The following KCNN2 variants were observed in gnomAD, a reference collection of about 807,000 sequenced individuals.
KCNN2 encodes the protein small conductance calcium-activated potassium channel protein 2.
KCNN2 carries 24 observed loss-of-function variants against 55.5 expected under a neutral mutation model. The observed-to-expected ratio is 0.43, with a 90% CI of 0.31 to 0.61. The LOEUF (loss-of-function observed/expected upper bound fraction) is 0.61. KCNN2 is among the 20% of genes least tolerant of loss of function. The pLI, the probability that KCNN2 is intolerant of heterozygous loss-of-function variation, is 0.08. For missense variants in KCNN2, 754 were observed against 853.6 expected (o/e 0.88, Z 1.45); for synonymous variants, 431 against 336.1 (o/e 1.28, Z -3.09).
intron 7 of KCNN2, 104 bp from the exon 8 acceptor site, chr5:114,495,791 A>T (rs552556018): frequency 2.8e-6 from 3 of 1,079,512 alleles, no homozygotes; most frequent in East Asian, 4.8e-5. Context: ...CACCCCTGTT[A>T]CACTGAATGC....
chr5:114,471,332 T>TTAC (rs1761732041), intron 4 of KCNN2, among the ~76,000 whole-genome samples: 1 of 3,006 alleles, frequency 3.3e-4, no homozygotes, highest in East Asian at 0.25. Flanking sequence ...TTATAATACT[T>TTAC]TTAATACAAT....
chr5:114,491,894 G>A (rs1462316085), intron 6 of KCNN2, among the ~76,000 whole-genome samples: 1 of 152,008 alleles, frequency 6.6e-6, no homozygotes, highest in Non-Finnish European at 1.5e-5. Context: ...GTTTTTCAAA[G>A]GCACACATCA....
At chr5:114,416,997 G>A (rs370418980) in intron 3 of KCNN2, among the ~76,000 whole-genome samples, 77 of 152,132 alleles carry the variant, frequency 5.1e-4, no homozygotes, top group African/African-American at 1.8e-3. Flanking sequence ...ATAAACTCCT[G>A]TTTTTGAACA....
chr5:114,266,503 A>G (rs1422735982), intron 2 of KCNN2, among the ~76,000 whole-genome samples: 2 of 152,132 alleles, frequency 1.3e-5, no homozygotes, highest in Non-Finnish European at 2.9e-5. Flanking sequence ...CTCCATCTAG[A>G]GATTGCCAGG....
intron 1 of KCNN2, among the ~76,000 whole-genome samples, chr5:114,125,811 T>C (rs1580535641): frequency 6.6e-6 from 1 of 152,222 alleles, no homozygotes; most frequent in East Asian, 1.9e-4. Flanking sequence ...CATATGTGTC[T>C]GTGTCCAAAT....
chr5:114,232,942 A>G, intron 2 of KCNN2, among the ~76,000 whole-genome samples: 1 of 7,054 alleles, frequency 1.4e-4, no homozygotes, highest in African/African-American at 3.1e-4. Flanking sequence ...TTTTTTTGAG[A>G]CGGAGTCTCG....
intron 1 of KCNN2, among the ~76,000 whole-genome samples, chr5:114,131,637 GT>G (rs1416117020): frequency 6.6e-6 from 1 of 152,130 alleles, no homozygotes; most frequent in Non-Finnish European, 1.5e-5. Context: ...ATTCCTTTGG[GT>G]ATATACCCAG....
intron 2 of KCNN2, among the ~76,000 whole-genome samples, chr5:114,321,450 C>T (rs1321186046): frequency 6.6e-6 from 1 of 152,152 alleles, no homozygotes; most frequent in Non-Finnish European, 1.5e-5. Context: ...CAGATCTCCT[C>T]ATCTGGAATA....
intron 1 of KCNN2, among the ~76,000 whole-genome samples, chr5:114,141,178 T>C (rs113819421): frequency 0.013 from 2,034 of 152,174 alleles, 42 homozygotes; most frequent in African/African-American, 0.046. Context: ...ATGTGCACAA[T>C]GTGCAGGTTT....
At chr5:114,385,810 TG>T (rs1758263511) in intron 2 of KCNN2, among the ~76,000 whole-genome samples, 2 of 151,578 alleles carry the variant, frequency 1.3e-5, no homozygotes, top group South Asian at 4.2e-4. Context: ...TGCACAACAG[TG>T]GGTAATTGTT....
At chr5:114,312,798 GC>G (rs1431597303) in intron 2 of KCNN2, among the ~76,000 whole-genome samples, 4 of 151,984 alleles carry the variant, frequency 2.6e-5, no homozygotes, top group African/African-American at 7.3e-5. Context: ...TTTATGTGCT[GC>G]CTTTCAAAGT....
chr5:114,258,019 A>G (rs900478801), intron 2 of KCNN2, among the ~76,000 whole-genome samples: 6 of 152,024 alleles, frequency 3.9e-5, no homozygotes, highest in African/African-American at 1.4e-4. Context: ...TGTTTCTTTT[A>G]TGCCTAGTTT....
At chr5:114,122,398 T>C (rs1751844882) in intron 1 of KCNN2, among the ~76,000 whole-genome samples, 1 of 152,174 alleles carries the variant, frequency 6.6e-6, no homozygotes, top group African/African-American at 2.4e-5. Flanking sequence ...AGAAGAATCT[T>C]CATATGCACT....
intron 1 of KCNN2, among the ~76,000 whole-genome samples, chr5:114,185,632 C>T (rs1376948918): frequency 1.3e-5 from 2 of 152,184 alleles, no homozygotes; most frequent in Non-Finnish European, 2.9e-5. Flanking sequence ...AAACCATCTG[C>T]GAGCCTAAAT....
intron 2 of KCNN2, among the ~76,000 whole-genome samples, chr5:114,321,651 GTT>G (rs57707854): frequency 0.3 from 45,055 of 148,880 alleles, 7,666 homozygotes; most frequent in East Asian, 0.8. Context: ...CACTGGATTT[GTT>G]TTTTTTTTTT....
rs1219854947 is a variant in KCNN2, at chr5:114,363,270, T to G, written c.1122+9T>G. The G allele has an allele frequency of 6.3e-7, 1 of 1,588,076 alleles. No individual in the cohort carries two copies. Among genetic ancestry groups the G allele is most frequent in the Non-Finnish European group, 8.6e-7 (1 of 1,167,066 alleles). ...GGGGCGCCTACGACAAGGTACAGGC[T>G]TGAACCCCAGCCCACGCTACCGGAG... On this transcript the variant is annotated intron_variant, in intron 1 of 7. Coordinates refer to ENST00000673685, the MANE Select transcript of KCNN2 (RefSeq NM_021614.4).
intron 1 of KCNN2, among the ~76,000 whole-genome samples, chr5:114,187,726 T>C (rs1580601379): frequency 6.6e-6 from 1 of 151,886 alleles, no homozygotes; most frequent in East Asian, 1.9e-4. Flanking sequence ...CAGGATGGTC[T>C]CAATCTCCTG....
chr5:114,107,861 C>A (rs113478469), intron 1 of KCNN2, among the ~76,000 whole-genome samples: 7,021 of 151,804 alleles, frequency 0.046, 539 homozygotes, highest in African/African-American at 0.16. Context: ...TAATATAAAC[C>A]TTCACTTGTA....
chr5:114,096,296 G>A (rs908697779), intron 1 of KCNN2, among the ~76,000 whole-genome samples: 21 of 152,186 alleles, frequency 1.4e-4, no homozygotes, highest in Middle Eastern at 3.4e-3. Flanking sequence ...CAATCTATTC[G>A]TATATGGAGG....
Sources: allele counts gnomAD v4.1 joint callset (sites outside exome capture counted in the v4.1 genomes callset), GRCh38; gene constraint gnomAD v4.1.1; transcripts MANE v1.5; gene names NCBI Gene and HGNC (gene_info 2026-07-23, HGNC 2026-07-21).